Variants in FOXN3 observed in about 807,000 individuals in gnomAD.
FOXN3 encodes forkhead box N3.
FOXN3 carries 7 observed loss-of-function variants against 38.4 expected under a neutral mutation model. That is an observed-to-expected ratio of 0.18 (90% CI 0.10 to 0.34). The LOEUF is 0.34. Ranked by LOEUF, FOXN3 falls within the 10% of genes least tolerant of loss-of-function variation. The probability of loss-of-function intolerance (pLI) is 1.00; values close to 1 mark genes in which losing one functional copy is unlikely to be tolerated. For missense variants in FOXN3, 456 were observed against 613.4 expected, an observed-to-expected ratio of 0.74 and a Z score of 2.71; for synonymous variants, 230 against 242.2, an observed-to-expected ratio of 0.95 and a Z score of 0.47.
At chr14:89,386,850 A>G (rs994827002) in intron 2 of FOXN3, among the ~76,000 whole-genome samples, 1 of 152,178 alleles carries the variant, frequency 6.6e-6, no homozygotes, top group African/African-American at 2.4e-5. Flanking sequence ...GTGCATGAAT[A>G]GAGTGATCTC....
chr14:89,448,468 C>A (rs1339995208), intron 1 of FOXN3, among the ~76,000 whole-genome samples: 1 of 152,094 alleles, frequency 6.6e-6, no homozygotes, highest in Non-Finnish European at 1.5e-5. Context: ...CCATCCTGTA[C>A]ACAAGGCACT....
intron 2 of FOXN3, among the ~76,000 whole-genome samples, chr14:89,354,216 T>TTG (rs1889098757): frequency 6.7e-6 from 1 of 148,898 alleles, no homozygotes; most frequent in South Asian, 2.1e-4. Context: ...AATGCTTTTT[T>TTG]TGTTTGGTTT....
At chr14:89,179,928 G>A (rs1566922418) in intron 5 of FOXN3, among the ~76,000 whole-genome samples, 1 of 152,258 alleles carries the variant, frequency 6.6e-6, no homozygotes, top group Non-Finnish European at 1.5e-5. Context: ...AGGACTATCA[G>A]GGTGATGCAG....
Position 89,175,862 on chromosome 14 carries a change from T to C in FOXN3, c.851+4839A>G, listed in dbSNP as rs111239286. ...CAAGGTGGCTGAGATCCAGGGAGGTTGCTGTGACCCAACCCAGGGTGTGGG... is the reference window on the plus strand; with the variant it reads ...CAAGGTGGCTGAGATCCAGGGAGGTCGCTGTGACCCAACCCAGGGTGTGGG... On this transcript the variant is annotated intron_variant, in intron 5 of 5. Coordinates refer to ENST00000557258, the MANE Select transcript of FOXN3 (RefSeq NM_005197.4). Among the ~76,000 whole-genome samples, 1,117 of 152,252 alleles carry C rather than the reference T, an allele frequency of 7.3e-3. 17 individuals are homozygous for C. Among genetic ancestry groups the C allele is most frequent in the African/African-American group, 0.025 (1,056 of 41,540 alleles).
intron 1 of FOXN3, among the ~76,000 whole-genome samples, chr14:89,539,107 G>A (rs1894746654): frequency 6.6e-6 from 1 of 152,280 alleles, no homozygotes; most frequent in East Asian, 1.9e-4. Context: ...CTCCCAAAGT[G>A]CTGGGATTAC....
At chr14:89,419,308 G>A (rs1401449586), upstream of FOXN3, 1 of 427,886 alleles carries the variant, frequency 2.3e-6, no homozygotes, top group Non-Finnish European at 4.7e-6. Context: ...GGCTTAATGT[G>A]GCCTTTTCCA....
At chr14:89,322,503 CA>C (rs995265208) in intron 3 of FOXN3, among the ~76,000 whole-genome samples, 2 of 151,996 alleles carry the variant, frequency 1.3e-5, no homozygotes, top group Non-Finnish European at 2.9e-5. Flanking sequence ...TTGGGCCACA[CA>C]AGGACATAGT....
intron 2 of FOXN3, among the ~76,000 whole-genome samples, chr14:89,402,096 A>G (rs947776835): frequency 1.3e-5 from 2 of 152,206 alleles, no homozygotes; most frequent in African/African-American, 4.8e-5. Flanking sequence ...ACGACTTCAC[A>G]CTACTCTCTA....
At chr14:89,350,609 G>T in intron 3 of FOXN3, 63 bp downstream of exon 3, 3 of 1,332,680 alleles carry the variant, frequency 2.3e-6, no homozygotes, top group South Asian at 3.8e-5. Flanking sequence ...TAATTTCCGC[G>T]CAGGTCTCTG....
At chr14:89,485,077 G>A (rs1893417918) in intron 1 of FOXN3, among the ~76,000 whole-genome samples, 2 of 151,700 alleles carry the variant, frequency 1.3e-5, no homozygotes, top group African/African-American at 4.8e-5. Context: ...GCTTGAACCT[G>A]GGAGGCGGAG....
At chr14:89,372,235 A>C (rs957200338) in intron 2 of FOXN3, among the ~76,000 whole-genome samples, 1 of 152,216 alleles carries the variant, frequency 6.6e-6, no homozygotes, top group Non-Finnish European at 1.5e-5. Context: ...CTACCATAAT[A>C]ATTTACTATC....
At chr14:89,605,970 G>T (rs1328366662) in intron 1 of FOXN3, among the ~76,000 whole-genome samples, 4 of 151,844 alleles carry the variant, frequency 2.6e-5, no homozygotes, top group Non-Finnish European at 5.9e-5. Flanking sequence ...AAAAAAACTG[G>T]CCAGGTGTGG....
chr14:89,616,717 T>A (rs1374356497), intron 1 of FOXN3, among the ~76,000 whole-genome samples: 1 of 152,222 alleles, frequency 6.6e-6, no homozygotes, highest in African/African-American at 2.4e-5. Context: ...ACTGTAGACA[T>A]ACAAGTCAGT....
chr14:89,480,548 C>T (rs1389354043), intron 1 of FOXN3, among the ~76,000 whole-genome samples: 3 of 151,694 alleles, frequency 2.0e-5, no homozygotes, highest in Admixed American at 2.0e-4. Flanking sequence ...TTTTCCTTTC[C>T]GGAGTCTCTC....
chr14:89,321,720 A>G (rs1887903326), intron 3 of FOXN3, among the ~76,000 whole-genome samples: 2 of 152,036 alleles, frequency 1.3e-5, no homozygotes, highest in East Asian at 1.9e-4. Context: ...TAGATCTTGC[A>G]TTCAATTTTG....
intron 3 of FOXN3, among the ~76,000 whole-genome samples, chr14:89,311,928 A>G (rs1887561686): frequency 1.3e-5 from 2 of 152,216 alleles, no homozygotes; most frequent in South Asian, 2.1e-4. Flanking sequence ...CTATAAATGC[A>G]GCATTCAAAT....
At chr14:89,400,532 T>TGTTC (rs1426295122) in intron 2 of FOXN3, among the ~76,000 whole-genome samples, 2 of 152,100 alleles carry the variant, frequency 1.3e-5, no homozygotes, top group Non-Finnish European at 2.9e-5. Context: ...TGCCCACACA[T>TGTTC]GTTCATCTGC....
intron 4 of FOXN3, among the ~76,000 whole-genome samples, chr14:89,255,239 T>C (rs116200647): frequency 6.6e-6 from 1 of 152,242 alleles, no homozygotes; most frequent in African/African-American, 2.4e-5. Context: ...TGAGCCCACG[T>C]TGCCACTTTC....
intron 2 of FOXN3, among the ~76,000 whole-genome samples, chr14:89,352,638 G>A (rs1338312311): frequency 6.6e-6 from 1 of 152,206 alleles, no homozygotes; most frequent in Non-Finnish European, 1.5e-5. Context: ...TGGCTGACAT[G>A]TGACCCAAAC....
Sources: gnomAD v4.1 joint callset for allele counts (sites outside exome capture counted in the v4.1 genomes callset) on GRCh38, gnomAD v4.1.1 for gene constraint, MANE v1.5 for transcripts, NCBI Gene and HGNC (gene_info 2026-07-23, HGNC 2026-07-21) for gene names.